Variants in SWT1 observed in about 807,000 individuals in gnomAD.
SWT1 encodes SWT1 RNA endoribonuclease homolog.
Under a neutral mutation model 107.3 loss-of-function variants are expected in SWT1, and 33 were observed. The ratio of observed to expected loss-of-function variants is 0.31; its 90% CI spans 0.23 to 0.41. SWT1 has a LOEUF of 0.41. Among genes scored for constraint, SWT1 ranks in the 10% least tolerant of loss-of-function variants. The probability of loss-of-function intolerance (pLI) is 1.00; values close to 1 mark genes in which losing one functional copy is unlikely to be tolerated. For missense variants in SWT1, 898 were observed against 1,028.9 expected (o/e 0.87, Z 1.74); for synonymous variants, 345 against 348.3 (o/e 0.99, Z 0.11).
chr1:185,193,581 C>G (rs1449041699), intron 10 of SWT1, among the ~76,000 whole-genome samples: 2 of 151,986 alleles, frequency 1.3e-5, no homozygotes, highest in African/African-American at 4.8e-5. Context: ...ATTCTCCTGC[C>G]TTAGCCTCCC....
chr1:185,157,944 TC>T (rs1653769670), intron 1 of SWT1, among the ~76,000 whole-genome samples: 1 of 152,140 alleles, frequency 6.6e-6, no homozygotes, highest in Non-Finnish European at 1.5e-5. Flanking sequence ...CTTTCTTGTT[TC>T]TTTCTTCTGT....
chr1:185,222,574 T>C lies in SWT1; in HGVS notation c.2309+538T>C, dbSNP rs547058101. The stretch of plus-strand genomic sequence containing the variant: ...TAGTTTGAAACCAGCCTGGCCAACA[T>C]GGTGAAACCCCATCTCTACTGAAAA... On this transcript the variant is annotated intron_variant, in intron 15 of 18. Transcript: ENST00000367500. Among the ~76,000 whole-genome samples, 253 of 151,660 alleles carry C rather than the reference T, an allele frequency of 1.7e-3. 2 individuals carry two copies. The highest frequency in any genetic ancestry group is 6.0e-3 in the African/African-American group (247 of 41,322).
chr1:185,247,393 G>A (rs1352076458), intron 16 of SWT1, among the ~76,000 whole-genome samples: 1 of 152,194 alleles, frequency 6.6e-6, no homozygotes, highest in East Asian at 1.9e-4. Context: ...AATACTGGAG[G>A]TTAAATAGTG....
At chr1:185,202,140 C>T (rs1402308836) in intron 10 of SWT1, among the ~76,000 whole-genome samples, 1 of 152,038 alleles carries the variant, frequency 6.6e-6, no homozygotes, top group African/African-American at 2.4e-5. Context: ...TCTCTATAAC[C>T]TCATAAACTG....
chr1:185,264,219 T>A, intron 16 of SWT1: 1 of 326,234 alleles, frequency 3.1e-6, no homozygotes, highest in Non-Finnish European at 4.4e-6. Context: ...TTTACAATAA[T>A]CAATAGGGAT....
chr1:185,167,051 G>A (rs906408854), intron 3 of SWT1, among the ~76,000 whole-genome samples: 2 of 152,136 alleles, frequency 1.3e-5, no homozygotes, highest in Admixed American at 6.5e-5. Flanking sequence ...GGGATTACAG[G>A]CGTGCACCAC....
At chr1:185,204,912 G>C (rs201977170) in intron 12 of SWT1, 49 bp downstream of exon 12, 2 of 1,123,560 alleles carry the variant, frequency 1.8e-6, no homozygotes, top group Non-Finnish European at 2.5e-6. Flanking sequence ...TATTGCTGAA[G>C]ATTTGTTATC....
intron 2 of SWT1, among the ~76,000 whole-genome samples, chr1:185,166,356 C>G (rs985251983): frequency 4.6e-5 from 7 of 152,146 alleles, no homozygotes; most frequent in Admixed American, 1.3e-4. Context: ...ACCTATATCC[C>G]ACCTCATCTC....
intron 13 of SWT1, among the ~76,000 whole-genome samples, chr1:185,209,744 A>C (rs1355987450): frequency 6.6e-6 from 1 of 152,222 alleles, no homozygotes; most frequent in African/African-American, 2.4e-5. Context: ...ATACCCAGTA[A>C]TGGGATTGCT....
Position 185,174,390 on chromosome 1 carries a change from C to CA in SWT1, c.244dup (p.Thr82AsnfsTer17). 1 of 1,550,412 alleles carries CA rather than the reference C, an allele frequency of 6.4e-7. No homozygotes were observed. Among genetic ancestry groups the CA allele is most frequent in the Non-Finnish European group, 8.7e-7 (1 of 1,155,880 alleles). ...TTTACAGATTGAGTGTAGAAATTGA[C>CA]ACTCTCAGAAGGAGACCAAAAATCG... On this transcript the variant is annotated frameshift_variant, in exon 5 of 19. Transcript: ENST00000367500. LOFTEE classifies it high-confidence loss of function.
chr1:185,176,909 G>C (rs1411732491), intron 5 of SWT1: 5 of 508,246 alleles, frequency 9.8e-6, no homozygotes, highest in Non-Finnish European at 1.3e-5. Context: ...GCGTGAACCT[G>C]GGAGGCGGCC....
intron 13 of SWT1, among the ~76,000 whole-genome samples, chr1:185,212,213 A>C (rs1558044226): frequency 2.6e-5 from 4 of 152,122 alleles, no homozygotes. Flanking sequence ...TAATAATAAT[A>C]AAATAAAAAA....
chr1:185,175,618 C>G (rs969805972), intron 5 of SWT1, among the ~76,000 whole-genome samples: 3 of 152,148 alleles, frequency 2.0e-5, no homozygotes, highest in Admixed American at 6.5e-5. Context: ...ATTTTACTCT[C>G]TTTAATTCCA....
intron 16 of SWT1, among the ~76,000 whole-genome samples, chr1:185,244,857 G>A (rs1229979828): frequency 6.6e-6 from 1 of 152,182 alleles, no homozygotes; most frequent in Non-Finnish European, 1.5e-5. Context: ...AAGGCAGGGG[G>A]TTTGCTTGAA....
At chr1:185,232,569 G>A (rs1553260235) in intron 16 of SWT1, among the ~76,000 whole-genome samples, 1 of 152,084 alleles carries the variant, frequency 6.6e-6, no homozygotes, top group Non-Finnish European at 1.5e-5. Context: ...TTTTAATAGA[G>A]ATATATATAT....
intron 16 of SWT1, among the ~76,000 whole-genome samples, chr1:185,260,553 A>C (rs1279673776): frequency 6.6e-6 from 1 of 152,302 alleles, no homozygotes; most frequent in East Asian, 1.9e-4. Context: ...TAGATTGAAA[A>C]GCACAGAAGT....
At chr1:185,252,997 A>C (rs1484265613) in intron 16 of SWT1, among the ~76,000 whole-genome samples, 3 of 137,760 alleles carry the variant, frequency 2.2e-5, no homozygotes, top group Admixed American at 1.5e-4. Context: ...AGCTTTCTAC[A>C]TATGGCTAGC....
intron 18 of SWT1, among the ~76,000 whole-genome samples, chr1:185,278,547 A>T (rs189588986): frequency 1.3e-3 from 201 of 152,318 alleles, no homozygotes; most frequent in African/African-American, 4.6e-3. Context: ...AAAACTGTTT[A>T]ATTCCTTCAC....
At chr1:185,277,925 G>T (rs1664353645) in intron 18 of SWT1, among the ~76,000 whole-genome samples, 1 of 150,994 alleles carries the variant, frequency 6.6e-6, no homozygotes. Flanking sequence ...AAAATGATTT[G>T]TTTTATAGCA....
Sources: gnomAD v4.1 joint callset for allele counts (sites outside exome capture counted in the v4.1 genomes callset) on GRCh38, gnomAD v4.1.1 for gene constraint, MANE v1.5 for transcripts, NCBI Gene and HGNC (gene_info 2026-07-23, HGNC 2026-07-21) for gene names.